The following CEMIP2 variants were observed in gnomAD, a reference collection of about 807,000 sequenced individuals.
CEMIP2 encodes the protein cell migration inducing hyaluronidase 2.
CEMIP2 carries 79 observed loss-of-function variants against 146.9 expected under a neutral mutation model. The ratio of observed to expected loss-of-function variants is 0.54; its 90% CI spans 0.45 to 0.65. The LOEUF (loss-of-function observed/expected upper bound fraction) is 0.65, where lower values mean the gene tolerates loss of function less well. Ranked by LOEUF, CEMIP2 falls within the 30% of genes least tolerant of loss-of-function variation. The pLI is 0.00. For synonymous variants in CEMIP2, 601 were observed against 606.3 expected (o/e 0.99, Z 0.13); for missense variants, 1,596 against 1,696.2 (o/e 0.94, Z 1.04).
intron 20 of CEMIP2, 192 bp downstream of exon 20, chr9:71,697,793 G>A: frequency 3.5e-6 from 2 of 570,912 alleles, no homozygotes; most frequent in Admixed American, 3.4e-5. Context: ...ACAGGGGCAA[G>A]TATCTCTGTC....
rs753823120 is a variant in CEMIP2, at chr9:71,730,255, T to C, written c.1774-2A>G. 2.5e-6 allele frequency: 4 copies of C among 1,613,210 alleles called. No homozygotes were observed. The highest frequency in any genetic ancestry group is 1.7e-5 in the Admixed American group (1 of 60,006). ...GTCAAACCCAATGGTGTCTTTTATCTGCAGAAATAAAAGTATATTAATGTC... is the reference window on the plus strand; with the variant it reads ...GTCAAACCCAATGGTGTCTTTTATCCGCAGAAATAAAAGTATATTAATGTC... On this transcript the variant is annotated splice_acceptor_variant, in intron 8 of 23. Transcript: ENST00000377044. LOFTEE classifies it high-confidence loss of function.
At chr9:71,744,554 G>C (rs988548282) in intron 4 of CEMIP2, among the ~76,000 whole-genome samples, 1 of 151,890 alleles carries the variant, frequency 6.6e-6, no homozygotes, top group Non-Finnish European at 1.5e-5. Flanking sequence ...TCCGAAAAAA[G>C]AAAAAGAAAA....
At chr9:71,764,038 G>GA (rs1392861578) in intron 1 of CEMIP2, among the ~76,000 whole-genome samples, 1 of 151,692 alleles carries the variant, frequency 6.6e-6, no homozygotes, top group African/African-American at 2.4e-5. Context: ...TTTTGAAGAA[G>GA]AAAAAAAAGA....
chr9:71,695,758 G>A (rs1374781305), intron 20 of CEMIP2, among the ~76,000 whole-genome samples: 1 of 152,050 alleles, frequency 6.6e-6, no homozygotes. Flanking sequence ...CAAGTTTGGG[G>A]TCAAAAATTC....
intron 1 of CEMIP2, among the ~76,000 whole-genome samples, chr9:71,763,945 T>A (rs1371668610): frequency 1.3e-5 from 2 of 152,218 alleles, no homozygotes; most frequent in Non-Finnish European, 2.9e-5. Context: ...CTGAACATAG[T>A]TCCTGACAAC....
intron 4 of CEMIP2, among the ~76,000 whole-genome samples, chr9:71,744,669 T>C (rs533128283): frequency 6.6e-6 from 1 of 152,320 alleles, no homozygotes; most frequent in South Asian, 2.1e-4. Context: ...TCAATTAGCC[T>C]GAGTTTCATA....
intron 4 of CEMIP2, among the ~76,000 whole-genome samples, chr9:71,744,654 T>G (rs2132004981): frequency 6.6e-6 from 1 of 152,326 alleles, no homozygotes; most frequent in Middle Eastern, 3.4e-3. Flanking sequence ...ACTCATTAAG[T>G]TGCCTCAATT....
Position 71,728,193 on chromosome 9 carries a change from T to TTCTCTCTCTC in CEMIP2, c.2049+1642_2049+1651dup, listed in dbSNP as rs369654117. On this transcript the variant is annotated intron_variant, in intron 10 of 23. Coordinates refer to ENST00000377044, the MANE Select transcript of CEMIP2 (RefSeq NM_013390.3). Reference sequence around the variant, plus strand: ...TCTGTCTGGTCAACACAGCGAAACCTTCTCTCTCTCTCTCTCTCTCTCTCT... The same window carrying TTCTCTCTCTC: ...TCTGTCTGGTCAACACAGCGAAACCTTCTCTCTCTCTCTCTCTCTCTCTCTCTCTCTCTCT... Among the ~76,000 whole-genome samples, 55 of 29,604 alleles carry TTCTCTCTCTC rather than the reference T, an allele frequency of 1.9e-3. 2 individuals carry two copies. The highest frequency in any genetic ancestry group is 5.6e-3 in the Admixed American group (10 of 1,792). 19.4% of individuals were successfully genotyped at this position (29,604 alleles called of 152,430 possible). A position where few individuals can be genotyped will look rare whatever the true frequency, so the allele number is the denominator to read the frequency against.
Position 71,697,978 on chromosome 9 carries a change from TG to T in CEMIP2, c.3597+6del. ...TTGGCCACAGACCACTTTTCATCCT[TG>T]TTTACCTGCCGAGTGCCACAGCCTT... On this transcript the variant is annotated splice_donor_region_variant and intron_variant, in intron 20 of 23. Transcript: ENST00000377044. The T allele has an allele frequency of 6.2e-7, 1 of 1,612,524 alleles. No individual in the cohort carries two copies. Among genetic ancestry groups the T allele is most frequent in the Non-Finnish European group, 8.5e-7 (1 of 1,179,236 alleles).
At position 71,712,630 on chromosome 9, in the gene CEMIP2, C is replaced by T. The variant is rs560933708; in HGVS notation, c.2592-370G>A. Among the ~76,000 whole-genome samples the T allele has an allele frequency of 3.3e-5, 5 of 152,230 alleles. No individual in the cohort carries two copies. In the East Asian group the frequency reaches 9.7e-4, roughly 29 times the overall value. Reference sequence around the variant, plus strand: ...TCGGAACCTCAGGTACTTTGGTCTTCGTTTCCAAATCTCCAACCATGAGAA... The same window carrying T: ...TCGGAACCTCAGGTACTTTGGTCTTTGTTTCCAAATCTCCAACCATGAGAA... On this transcript the variant is annotated intron_variant, in intron 15 of 23. Coordinates refer to ENST00000377044, the MANE Select transcript of CEMIP2 (RefSeq NM_013390.3).
chr9:71,716,934 G>C (rs1823073133), intron 13 of CEMIP2, among the ~76,000 whole-genome samples: 1 of 152,208 alleles, frequency 6.6e-6, no homozygotes, highest in South Asian at 2.1e-4. Flanking sequence ...CACTTTGGGA[G>C]GCTGAGGCAG....
intron 15 of CEMIP2, 125 bp from the exon 16 acceptor site, chr9:71,712,385 G>A: frequency 1.2e-6 from 1 of 834,572 alleles, no homozygotes; most frequent in Non-Finnish European, 1.9e-6. Flanking sequence ...GATACAGTAG[G>A]AGCCAAAACA....
intron 2 of CEMIP2, among the ~76,000 whole-genome samples, chr9:71,748,863 A>C: frequency 6.6e-6 from 1 of 152,198 alleles, no homozygotes. Flanking sequence ...AAGAAAACTA[A>C]ATAATAAAGT....
At chr9:71,767,937 C>G (rs1824848254) in intron 1 of CEMIP2, among the ~76,000 whole-genome samples, 1 of 152,220 alleles carries the variant, frequency 6.6e-6, no homozygotes, top group Non-Finnish European at 1.5e-5. Context: ...CAACCTTTCA[C>G]TGTAATCGGC....
At chr9:71,715,872 T>C (rs11142970) in intron 14 of CEMIP2, among the ~76,000 whole-genome samples, 84,204 of 151,232 alleles carry the variant, frequency 0.56, 25,903 homozygotes, top group East Asian at 0.71. Flanking sequence ...GCGATCCTCC[T>C]GTCTTGGCCT....
intron 3 of CEMIP2, among the ~76,000 whole-genome samples, 160 bp from the exon 4 acceptor site, chr9:71,745,739 A>G (rs1435814908): frequency 1.3e-5 from 2 of 152,246 alleles, no homozygotes; most frequent in Non-Finnish European, 2.9e-5. Context: ...TGAAGAGTTC[A>G]TATCTTAATA....
In CEMIP2 at chr9:71,700,313, T is replaced by C. The variant is rs185437644; in HGVS notation, c.3377+329A>G. ...TGAGCTTTCACTGAAATATGAACTA[T>C]ATCACATGTAAATAATCATATGAAG... On this transcript the variant is annotated intron_variant, in intron 19 of 23. Transcript: ENST00000377044. Among the ~76,000 whole-genome samples the C allele has an allele frequency of 2.1e-4, 32 of 152,340 alleles. No individual in the cohort carries two copies. The East Asian group carries it at 3.9e-3, about 18-fold the overall frequency.
chr9:71,730,034 C>G lies in CEMIP2; in HGVS notation c.1979+14G>C, dbSNP rs757684366. 6.2e-6 allele frequency: 10 copies of G among 1,614,064 alleles called. No homozygotes were observed. The highest frequency in any genetic ancestry group is 8.5e-6 in the Non-Finnish European group (10 of 1,179,960). On this transcript the variant is annotated intron_variant, in intron 9 of 23. Transcript: ENST00000377044. ...GCCCTGACTCATGGGTTTTTCTCTC[C>G]GCCAATTACTCACATACAGTCAGTA...
rs1278219958 is a variant in CEMIP2 at position 71,684,239 on chromosome 9, G to A, written c.*958C>T. The stretch of plus-strand genomic sequence containing the variant: ...GCTTTCTGGGATTTTCCTGGCAGGA[G>A]GGTGAACAGAAAAGCTTTAAAAAAT... On this transcript the variant is annotated 3_prime_UTR_variant, in exon 24 of 24. Coordinates refer to ENST00000377044, the MANE Select transcript of CEMIP2 (RefSeq NM_013390.3). The A allele has an allele frequency of 6.6e-6, 1 of 150,746 alleles. No homozygotes were observed. The highest frequency in any genetic ancestry group is 1.5e-5 in the Non-Finnish European group (1 of 68,010). 9.3% of individuals were successfully genotyped at this position (150,746 alleles called of 1,614,324 possible). A position where few individuals can be genotyped will look rare whatever the true frequency, so the allele number is the denominator to read the frequency against.
Sources: allele counts gnomAD v4.1 joint callset (sites outside exome capture counted in the v4.1 genomes callset), GRCh38; gene constraint gnomAD v4.1.1; transcripts MANE v1.5; gene names NCBI Gene and HGNC (gene_info 2026-07-23, HGNC 2026-07-21).